MERTK: variants seen among roughly 807,000 people sequenced by gnomAD.
The protein encoded by MERTK is MER proto-oncogene, tyrosine kinase.
MERTK carries 69 observed loss-of-function variants against 99.3 expected under a neutral mutation model. The observed-to-expected ratio is 0.70, with a 90% CI of 0.57 to 0.85. MERTK has a LOEUF of 0.85. Ranked by LOEUF, MERTK falls within the 40% of genes least tolerant of loss-of-function variation. MERTK has a pLI of 0.00. For synonymous variants in MERTK, 426 were observed against 467.6 expected (o/e 0.91, Z 1.15); for missense variants, 1,125 against 1,249.4 (o/e 0.90, Z 1.50).
intron 5 of MERTK, 80 bp from the exon 6 acceptor site, chr2:111,968,057 C>T (rs757896132): frequency 7.1e-6 from 7 of 986,946 alleles, no homozygotes; most frequent in African/African-American, 1.6e-5. Flanking sequence ...GGTATTAATG[C>T]ATTTGTTTGG....
At chr2:112,026,332 T>C (rs1677459763) in intron 18 of MERTK, 1 of 152,224 alleles carries the variant, frequency 6.6e-6, no homozygotes, top group African/African-American at 2.4e-5. Flanking sequence ...AGATAAATTA[T>C]TTAAATACTT....
chr2:111,939,752 C>T (rs535604970), intron 2 of MERTK, among the ~76,000 whole-genome samples: 1 of 145,866 alleles, frequency 6.9e-6, no homozygotes, highest in African/African-American at 2.5e-5. Flanking sequence ...GACTCTCTCA[C>T]CTTAGCCTCC....
At chr2:111,972,082 A>G (rs971690324) in intron 6 of MERTK, among the ~76,000 whole-genome samples, 1 of 152,094 alleles carries the variant, frequency 6.6e-6, no homozygotes, top group African/African-American at 2.4e-5. Flanking sequence ...CCAGGCTGGA[A>G]TGCAATGGCA....
chr2:111,929,436 C>G lies in MERTK; in HGVS notation c.378C>G (p.Thr126=). The change falls in exon 2 of 19, where the codon ACC becomes ACG. Residue 126 remains threonine (T), a synonymous_variant. Transcript: ENST00000295408. The part of the protein sequence containing the change: ...SISVPNIYQD[T]TISWWKDGKE... ...GTGTACCTAATATATACCAGGACAC[C>G]ACAATTTCTTGGTGGAAAGATGGGA... 6.2e-7 allele frequency: 1 copy of G among 1,613,986 alleles called. No individual in the cohort carries two copies. The highest frequency in any genetic ancestry group is 8.5e-7 in the Non-Finnish European group (1 of 1,179,964).
intron 2 of MERTK, among the ~76,000 whole-genome samples, chr2:111,942,738 C>CAGGGAAAGGG (rs1684887936): frequency 6.6e-6 from 1 of 152,104 alleles, no homozygotes; most frequent in Non-Finnish European, 1.5e-5. Context: ...CAGAGCATTT[C>CAGGGAAAGGG]AAGTCAAAGG....
At chr2:111,910,531 A>G (rs1164511000) in intron 1 of MERTK, among the ~76,000 whole-genome samples, 1 of 151,046 alleles carries the variant, frequency 6.6e-6, no homozygotes, top group African/African-American at 2.4e-5. Context: ...CAGTCTCCCA[A>G]AGTTCTGGGA....
chr2:111,991,528 A>G lies in MERTK; in HGVS notation c.1297-2723A>G, dbSNP rs1380292543. ...GGTGTGAGCCACCTCGCCCAGCCCAATGCTGTATTTCTGAAAAAGGTATCA... is the reference window on the plus strand; with the variant it reads ...GGTGTGAGCCACCTCGCCCAGCCCAGTGCTGTATTTCTGAAAAAGGTATCA... On this transcript the variant is annotated intron_variant, in intron 8 of 18. Coordinates refer to ENST00000295408, the MANE Select transcript of MERTK (RefSeq NM_006343.3). Among the ~76,000 whole-genome samples, 3 of 152,154 alleles carry G rather than the reference A, an allele frequency of 2.0e-5. No individual in the cohort carries two copies. The East Asian group carries it at 5.8e-4, about 29-fold the overall frequency.
intron 1 of MERTK, among the ~76,000 whole-genome samples, chr2:111,901,079 A>G (rs1684033936): frequency 6.6e-6 from 1 of 152,186 alleles, no homozygotes. Flanking sequence ...ACATGCACAC[A>G]CAGAACTGGA....
intron 2 of MERTK, among the ~76,000 whole-genome samples, chr2:111,944,206 A>G (rs1684915533): frequency 6.6e-6 from 1 of 151,500 alleles, no homozygotes; most frequent in Admixed American, 6.6e-5. Flanking sequence ...AGGCTGAGGC[A>G]GGACAATCAC....
At chr2:111,962,815 C>CT (rs1255307461) in intron 4 of MERTK, among the ~76,000 whole-genome samples, 4 of 152,192 alleles carry the variant, frequency 2.6e-5, no homozygotes, top group Non-Finnish European at 4.4e-5. Context: ...ATTTCTCAAA[C>CT]TTTCCTTGTT....
chr2:111,994,160 G>A (rs77739234), intron 8 of MERTK, 91 bp from the exon 9 acceptor site: 68,819 of 1,461,512 alleles, frequency 0.047, 1,895 homozygotes, highest in Non-Finnish European at 0.056. Context: ...GGACGTGGGC[G>A]GGATGGCTTC....
Position 111,982,864 on chromosome 2 carries a change from T to A in MERTK, c.1167T>A (p.Asn389Lys). Reference sequence around the variant, plus strand: ...TAGCCCCATCAGTAGCACCTTTAAATGTCACTGTGTTTCTGAATGAATCTA... The same window carrying A: ...TAGCCCCATCAGTAGCACCTTTAAAAGTCACTGTGTTTCTGAATGAATCTA... ...TEGAPSVAPLNVTVFLNESSD... is the reference protein window; with the variant it reads ...TEGAPSVAPLKVTVFLNESSD... The change falls in exon 8 of 19, where the codon AAT (asparagine) becomes AAA (lysine). Residue 389 changes from asparagine to lysine, a missense_variant. Physicochemically the swap from Asn to Lys is moderately conservative, Grantham distance 94. Transcript: ENST00000295408. 6.2e-7 allele frequency: 1 copy of A among 1,614,152 alleles called. No individual in the cohort carries two copies. Among genetic ancestry groups the A allele is most frequent in the Non-Finnish European group, 8.5e-7 (1 of 1,180,002 alleles).
At chr2:111,903,511 A>C (rs1393871874) in intron 1 of MERTK, among the ~76,000 whole-genome samples, 1 of 152,254 alleles carries the variant, frequency 6.6e-6, no homozygotes, top group Non-Finnish European at 1.5e-5. Flanking sequence ...TGTTAAACAC[A>C]GTTCTAACAA....
chr2:112,010,018 G>T lies in MERTK; in HGVS notation c.2031G>T (p.Gly677=), dbSNP rs777285407. ...PMVILPFMKY[G]DLHTYLLYSR... is the part of the protein sequence containing the mutation. ...TAATTTTACCCTTCATGAAATACGG[G>T]GACCTGCATACTTACTTACTTTATT... Residue 677 remains glycine, a synonymous_variant, in exon 15 of 19, where the codon GGG becomes GGT. Coordinates refer to ENST00000295408, the MANE Select transcript of MERTK (RefSeq NM_006343.3). 2 of 1,613,832 alleles carry T rather than the reference G, an allele frequency of 1.2e-6. No homozygotes were observed. Among genetic ancestry groups the T allele is most frequent in the Non-Finnish European group, 1.7e-6 (2 of 1,179,816 alleles).
At position 111,940,410 on chromosome 2, in the gene MERTK, T is replaced by C. The variant is rs566800713; in HGVS notation, c.483-4550T>C. The C allele has an allele frequency of 8.2e-5, 44 of 535,526 alleles. 1 individual carries two copies. Among genetic ancestry groups the C allele is most frequent in the Middle Eastern group, 5.6e-4 (1 of 1,800 alleles). The allele number at this position is 535,526 out of a possible 1,614,324, so 33.2% of individuals were successfully genotyped here. Reference sequence around the variant, plus strand: ...TTGTCTGTAGCTGTCTGAGCTCTTCTGTATACAGCAGTCACAGAATTTGAG... The same window carrying C: ...TTGTCTGTAGCTGTCTGAGCTCTTCCGTATACAGCAGTCACAGAATTTGAG... On this transcript the variant is annotated intron_variant, in intron 2 of 18. Transcript: ENST00000295408.
intron 4 of MERTK, among the ~76,000 whole-genome samples, chr2:111,950,458 A>G (rs1473653564): frequency 6.6e-6 from 1 of 152,214 alleles, no homozygotes; most frequent in African/African-American, 2.4e-5. Flanking sequence ...TTTAACTTTT[A>G]AAGAAACTAC....
intron 7 of MERTK, among the ~76,000 whole-genome samples, chr2:111,977,094 T>C (rs1676269366): frequency 6.6e-6 from 1 of 152,222 alleles, no homozygotes; most frequent in African/African-American, 2.4e-5. Flanking sequence ...GTTTATGCAT[T>C]ATAGTTACCA....
intron 2 of MERTK, among the ~76,000 whole-genome samples, chr2:111,931,381 A>G (rs563377679): frequency 9.2e-5 from 14 of 152,328 alleles, no homozygotes; most frequent in African/African-American, 3.4e-4. Context: ...TAAAAAGCAG[A>G]TGTCTTACAA....
At chr2:112,019,015 G>GACAC (rs56346356) in intron 15 of MERTK, among the ~76,000 whole-genome samples, 19 of 150,820 alleles carry the variant, frequency 1.3e-4, no homozygotes, top group East Asian at 9.8e-4. Context: ...TTAGACCCCT[G>GACAC]ACACACACAC....
Sources: allele counts gnomAD v4.1 joint callset (sites outside exome capture counted in the v4.1 genomes callset), GRCh38; gene constraint gnomAD v4.1.1; transcripts MANE v1.5; gene names NCBI Gene and HGNC (gene_info 2026-07-23, HGNC 2026-07-21).